LDAF1: variants seen among roughly 807,000 people sequenced by gnomAD.
LDAF1 encodes the protein lipid droplet assembly factor 1.
Under a neutral mutation model 13.5 loss-of-function variants are expected in LDAF1, and 7 were observed. That is an observed-to-expected ratio of 0.52 (90% CI 0.29 to 0.97). The LOEUF is 0.97. Among genes scored for constraint, LDAF1 ranks in the 50% least tolerant of loss-of-function variants. The pLI is 0.07. For missense variants in LDAF1, 148 were observed against 193.2 expected, an observed-to-expected ratio of 0.77 and a Z score of 1.39; for synonymous variants, 69 against 77.1, an observed-to-expected ratio of 0.89 and a Z score of 0.55.
At chr16:21,178,858 C>CGCCATGTAAGAAGTGCCTCTGATCTTCCT (rs1567204706) in intron 4 of LDAF1, 6 of 153,482 alleles carry the variant, frequency 3.9e-5, no homozygotes, top group Non-Finnish European at 2.9e-5. Flanking sequence ...TCTTGCCTGC[C>CGCCATGTAAGAAGTGCCTCTGATCTTCCT]GCCATGTAAG....
intron 1 of LDAF1, among the ~76,000 whole-genome samples, 172 bp downstream of exon 1, chr16:21,158,918 GAGTCGC>G (rs2092925322): frequency 6.6e-6 from 1 of 151,990 alleles, no homozygotes. Flanking sequence ...TCCTGCTTAT[GAGTCGC>G]CGGGACGGGG....
At chr16:21,172,745 C>T (rs1001621715) in intron 3 of LDAF1, 2 of 644,686 alleles carry the variant, frequency 3.1e-6, no homozygotes, top group African/African-American at 4.0e-5. Flanking sequence ...TTCCTTGATG[C>T]ACCTGATTCT....
chr16:21,172,883 T>C, intron 3 of LDAF1: 1 of 980,250 alleles, frequency 1.0e-6, no homozygotes, highest in African/African-American at 1.7e-5. Context: ...CCTGAAACCA[T>C]CACTGTGGCT....
intron 4 of LDAF1, among the ~76,000 whole-genome samples, chr16:21,174,700 C>G (rs1018678774): frequency 5.3e-5 from 8 of 152,296 alleles, no homozygotes; most frequent in Admixed American, 4.6e-4. Context: ...ATTGTCATAG[C>G]AACTCTATCA....
At position 21,166,749 on chromosome 16, in the gene LDAF1, G is replaced by A. The variant is rs141080418; in HGVS notation, c.97-3688G>A. Reference sequence around the variant, plus strand: ...TAAGGATGCATGTGGATTCGAACTGGAAAGAAGTCAGGACCTGAGACAGCG... The same window carrying A: ...TAAGGATGCATGTGGATTCGAACTGAAAAGAAGTCAGGACCTGAGACAGCG... On this transcript the variant is annotated intron_variant, in intron 2 of 4. Transcript: ENST00000233047. 3 of 1,074,820 alleles carry A rather than the reference G, an allele frequency of 2.8e-6. No homozygotes were observed. In the Admixed American group the frequency reaches 6.1e-5, roughly 22 times the overall value. The allele number at this position is 1,074,820 out of a possible 1,614,324, so 66.6% of individuals were successfully genotyped here. A position where few individuals can be genotyped will look rare whatever the true frequency, so the allele number is the denominator to read the frequency against.
At position 21,174,133 on chromosome 16, in the gene LDAF1, G is replaced by T; in HGVS notation, c.389G>T (p.Cys130Phe). 1 of 1,608,798 alleles carries T rather than the reference G, an allele frequency of 6.2e-7. No homozygotes were observed. The highest frequency in any genetic ancestry group is 8.5e-7 in the Non-Finnish European group (1 of 1,178,646). The change falls in exon 4 of 5, where the codon TGC (cysteine) becomes TTC (phenylalanine). Residue 130 changes from cysteine (C) to phenylalanine (F), a missense_variant. By Grantham distance (205) the Cys-to-Phe change is radical. Coordinates refer to ENST00000233047, the MANE Select transcript of LDAF1 (RefSeq NM_001301771.2). ...GTAGTGGTCTCCAGCCTCATCAGCTGCTGGTTTTCTCCCAGGTAAATACAT... is the reference window on the plus strand; with the variant it reads ...GTAGTGGTCTCCAGCCTCATCAGCTTCTGGTTTTCTCCCAGGTAAATACAT... ...SYVVVSSLISCWFSPRPLTQQ... is the reference protein window; with the variant it reads ...SYVVVSSLISFWFSPRPLTQQ...
rs532980501 is a variant in LDAF1, at chr16:21,179,530, G to C, written c.460G>C (p.Glu154Gln). 1 of 1,614,176 alleles carries C rather than the reference G, an allele frequency of 6.2e-7. No individual in the cohort carries two copies. The highest frequency in any genetic ancestry group is 1.1e-5 in the South Asian group (1 of 91,076). The change falls in exon 5 of 5, where the codon GAA becomes CAA. Residue 154 changes from glutamate (E) to glutamine (Q), a missense_variant. By Grantham distance (29) the Glu-to-Gln change is conservative. Transcript: ENST00000233047. ...CTTTCTGCCAGCCATGAAGTCTGCA[G>C]AATTCGAGGGGCTTTACCAGGAATG... ...CDFLPAMKSA[E>Q]FEGLYQE
chr16:21,172,168 C>G (rs1374243834), intron 3 of LDAF1, among the ~76,000 whole-genome samples: 1 of 151,052 alleles, frequency 6.6e-6, no homozygotes, highest in African/African-American at 2.4e-5. Context: ...AAAAAAGAGG[C>G]CGGACACAGT....
intron 4 of LDAF1, among the ~76,000 whole-genome samples, chr16:21,176,900 GA>G (rs767903367): frequency 0.058 from 7,565 of 131,350 alleles, 244 homozygotes; most frequent in East Asian, 0.17. Context: ...ACTCTGTCTG[GA>G]AAAAAAAAAA....
intron 1 of LDAF1, chr16:21,159,175 A>T: frequency 1.2e-6 from 1 of 827,096 alleles, no homozygotes; most frequent in Non-Finnish European, 2.1e-6. Context: ...CCTCTTCTCC[A>T]CCGAGGTCCC....
intron 2 of LDAF1, chr16:21,166,799 T>C (rs1431600544): frequency 1.3e-6 from 2 of 1,517,714 alleles, no homozygotes; most frequent in Non-Finnish European, 1.8e-6. Context: ...ACATTCTGTG[T>C]GGTGACTCCC....
chr16:21,178,104 A>C (rs1395659747), intron 4 of LDAF1: 1 of 633,432 alleles, frequency 1.6e-6, no homozygotes, highest in Admixed American at 6.3e-5. Flanking sequence ...CAAAACTGTA[A>C]GTTTCCCTTA....
Position 21,179,633 on chromosome 16 carries a change from A to AT in LDAF1, c.*77_*78insT. On this transcript the variant is annotated 3_prime_UTR_variant, in exon 5 of 5. Transcript: ENST00000233047. ...CCCCTTGGGATTATGGCTTAGAAGA[A>AT]GGGGGCTGGGTAGGCAAGCACTCCT... 1 of 1,378,926 alleles carries AT rather than the reference A, an allele frequency of 7.3e-7. No individual in the cohort carries two copies. The highest frequency in any genetic ancestry group is 1.0e-6 in the Non-Finnish European group (1 of 989,978). The allele number at this position is 1,378,926 out of a possible 1,614,324, so 85.4% of individuals were successfully genotyped here.
At chr16:21,171,595 G>T (rs1410149859) in intron 3 of LDAF1, among the ~76,000 whole-genome samples, 1 of 152,134 alleles carries the variant, frequency 6.6e-6, no homozygotes, top group Non-Finnish European at 1.5e-5. Context: ...CATTTTGGTG[G>T]TACCATGCAA....
At chr16:21,164,551 G>T (rs933480344) in intron 2 of LDAF1, among the ~76,000 whole-genome samples, 8 of 152,180 alleles carry the variant, frequency 5.3e-5, no homozygotes, top group African/African-American at 1.7e-4. Context: ...ATGCCCAGCT[G>T]CCATCTCCTC....
rs763681944 is a variant in LDAF1 at position 21,159,363 on chromosome 16, TG to T, written c.-99+619del. On this transcript the variant is annotated intron_variant, in intron 1 of 4. Coordinates refer to ENST00000233047, the MANE Select transcript of LDAF1 (RefSeq NM_001301771.2). ...CCTTCCTCCTCTCCTTGGGTCTCCCTGGCTTTTGAACGCTGAAAGGCTGGGC... is the reference window on the plus strand; with the variant it reads ...CCTTCCTCCTCTCCTTGGGTCTCCCTGCTTTTGAACGCTGAAAGGCTGGGC... 9.9e-6 allele frequency: 16 copies of T among 1,614,162 alleles called. No homozygotes were observed. The East Asian group carries it at 3.6e-4, about 36-fold the overall frequency.
intron 2 of LDAF1, among the ~76,000 whole-genome samples, chr16:21,166,582 T>C (rs1483346853): frequency 1.3e-5 from 2 of 152,318 alleles, no homozygotes; most frequent in South Asian, 4.1e-4. Context: ...GCCTCACAAG[T>C]TCCTTCCGCT....
intron 1 of LDAF1, chr16:21,159,358 C>T (rs1209954878): frequency 6.2e-7 from 1 of 1,614,168 alleles, no homozygotes; most frequent in Admixed American, 1.7e-5. Flanking sequence ...CTCCTTGGGT[C>T]TCCCTGGCTT....
chr16:21,159,441 T>C (rs1489654959), intron 1 of LDAF1: 1 of 1,613,370 alleles, frequency 6.2e-7, no homozygotes, highest in Non-Finnish European at 8.5e-7. Flanking sequence ...GTAGCTCCCA[T>C]CCCCCAACCA....
Sources: allele counts gnomAD v4.1 joint callset (sites outside exome capture counted in the v4.1 genomes callset), GRCh38; gene constraint gnomAD v4.1.1; transcripts MANE v1.5; gene names NCBI Gene and HGNC (gene_info 2026-07-23, HGNC 2026-07-21).